FUT9: variants seen among roughly 807,000 people sequenced by gnomAD.
The protein encoded by FUT9 is 4-galactosyl-N-acetylglucosaminide 3-alpha-L-fucosyltransferase 9.
Under a neutral mutation model 29.7 loss-of-function variants are expected in FUT9, and 15 were observed. The ratio of observed to expected loss-of-function variants is 0.51; its 90% CI spans 0.34 to 0.78. FUT9 has a LOEUF of 0.78. Ranked by LOEUF, FUT9 falls within the 30% of genes least tolerant of loss-of-function variation. The pLI, the probability that FUT9 is intolerant of heterozygous loss-of-function variation, is 0.01. For missense variants in FUT9, 319 were observed against 425.4 expected (o/e 0.75, Z 2.20); for synonymous variants, 169 against 153.7 (o/e 1.10, Z -0.74).
chr6:96,120,427 C>G (rs1261753893), intron 2 of FUT9, among the ~76,000 whole-genome samples: 1 of 150,556 alleles, frequency 6.6e-6, no homozygotes, highest in Non-Finnish European at 1.5e-5. Flanking sequence ...TCCGCCACCA[C>G]GCCCAGCTAA....
rs546059770 is a variant in FUT9 at position 96,210,627 on chromosome 6, AG to A, written c.*6394del. ...GAAAAAAATCTCTAATTTGCTTTCT[AG>A]GTTCTAACTGCATGTTTATATTTTG... is the stretch of plus-strand genomic sequence containing the variant. On this transcript the variant is annotated 3_prime_UTR_variant, in exon 3 of 3. Coordinates refer to ENST00000302103, the MANE Select transcript of FUT9 (RefSeq NM_006581.4). 144 of 167,030 alleles carry A rather than the reference AG, an allele frequency of 8.6e-4. No individual in the cohort carries two copies. Among genetic ancestry groups the A allele is most frequent in the Non-Finnish European group, 1.4e-3 (93 of 68,028 alleles). 10.3% of individuals were successfully genotyped at this position (167,030 alleles called of 1,614,324 possible). A position where few individuals can be genotyped will look rare whatever the true frequency, so the allele number is the denominator to read the frequency against.
At chr6:96,157,448 G>A (rs1772806620) in intron 2 of FUT9, among the ~76,000 whole-genome samples, 1 of 152,166 alleles carries the variant, frequency 6.6e-6, no homozygotes. Context: ...CTAATAAAAT[G>A]AGTTGAGGAA....
chr6:96,097,458 G>A (rs1382187476), intron 1 of FUT9, among the ~76,000 whole-genome samples: 1 of 152,134 alleles, frequency 6.6e-6, no homozygotes, highest in Non-Finnish European at 1.5e-5. Flanking sequence ...GAAAAGCACT[G>A]CAAAGAAGAT....
intron 1 of FUT9, among the ~76,000 whole-genome samples, chr6:96,018,705 A>G (rs908696093): frequency 1.3e-5 from 2 of 152,108 alleles, no homozygotes; most frequent in African/African-American, 2.4e-5. Flanking sequence ...TATGGAAATT[A>G]TATAGATTAT....
intron 1 of FUT9, among the ~76,000 whole-genome samples, chr6:96,053,664 G>C (rs2493353): frequency 0.076 from 11,609 of 152,112 alleles, 1,165 homozygotes; most frequent in African/African-American, 0.23. Flanking sequence ...AGCCGAGATC[G>C]CACCACTCCA....
At chr6:96,099,751 G>A (rs1771555888) in intron 1 of FUT9, among the ~76,000 whole-genome samples, 2 of 151,912 alleles carry the variant, frequency 1.3e-5, no homozygotes, top group African/African-American at 4.8e-5. Flanking sequence ...TTTTTCCAAA[G>A]CCAGATTTCT....
At chr6:96,019,587 T>C (rs923331608) in intron 1 of FUT9, among the ~76,000 whole-genome samples, 3 of 152,076 alleles carry the variant, frequency 2.0e-5, no homozygotes, top group African/African-American at 7.2e-5. Flanking sequence ...TATTTCAAAA[T>C]AAGCATGATG....
chr6:96,138,609 TAAC>T (rs1460612605), intron 2 of FUT9, among the ~76,000 whole-genome samples: 1 of 152,120 alleles, frequency 6.6e-6, no homozygotes, highest in Non-Finnish European at 1.5e-5. Context: ...AGGACACAAT[TAAC>T]AGTCTGAAAT....
chr6:96,045,386 T>C lies in FUT9; in HGVS notation c.-98+29174T>C, dbSNP rs549469965. Among the ~76,000 whole-genome samples the C allele has an allele frequency of 1.2e-4, 19 of 152,346 alleles. No individual in the cohort carries two copies. The South Asian group carries it at 2.9e-3, about 23-fold the overall frequency. On this transcript the variant is annotated intron_variant, in intron 1 of 2. Coordinates refer to ENST00000302103, the MANE Select transcript of FUT9 (RefSeq NM_006581.4). ...GACAAAATTTGGCCAGACTGTCATA[T>C]GCTATCCCAGCTAGATTTTGTTTTA...
intron 1 of FUT9, among the ~76,000 whole-genome samples, chr6:96,092,395 T>A (rs4839812): frequency 0.91 from 138,932 of 152,132 alleles, 64,484 homozygotes; most frequent in East Asian, 1. Flanking sequence ...ACAAGTATAT[T>A]AAAAAAGAAT....
rs56405412 is a variant in FUT9 at position 96,199,422 on chromosome 6, G to C, written c.-8-3726G>C. On this transcript the variant is annotated intron_variant, in intron 2 of 2. Transcript: ENST00000302103. ...TGACAGCACTGAAAAATTGAGGGGAGGGGGTGAGCAGAGAGTTAAGAAGGA... is the reference window on the plus strand; with the variant it reads ...TGACAGCACTGAAAAATTGAGGGGACGGGGTGAGCAGAGAGTTAAGAAGGA... Among the ~76,000 whole-genome samples, 214 of 152,196 alleles carry C rather than the reference G, an allele frequency of 1.4e-3. 1 individual carries two copies. Among genetic ancestry groups the C allele is most frequent in the African/African-American group, 4.9e-3 (204 of 41,544 alleles).
intron 2 of FUT9, among the ~76,000 whole-genome samples, chr6:96,132,539 A>G (rs1772266570): frequency 6.6e-6 from 1 of 152,060 alleles, no homozygotes; most frequent in South Asian, 2.1e-4. Context: ...TCTTCACAAA[A>G]AAGCTGAAAA....
At chr6:96,067,901 G>A (rs1020534914) in intron 1 of FUT9, among the ~76,000 whole-genome samples, 1 of 152,032 alleles carries the variant, frequency 6.6e-6, no homozygotes, top group African/African-American at 2.4e-5. Flanking sequence ...TAGGATTGTT[G>A]TGATGATTAA....
chr6:96,184,559 C>G (rs1034434186), intron 2 of FUT9, among the ~76,000 whole-genome samples: 1 of 151,742 alleles, frequency 6.6e-6, no homozygotes, highest in African/African-American at 2.4e-5. Context: ...ACTGTTTGTG[C>G]TCTTTAGATT....
intron 1 of FUT9, among the ~76,000 whole-genome samples, chr6:96,072,736 A>G (rs887884093): frequency 3.3e-5 from 5 of 152,148 alleles, no homozygotes; most frequent in African/African-American, 1.2e-4. Flanking sequence ...AGATTTTTTA[A>G]AGTTTGTCAT....
chr6:96,067,733 T>C (rs1356298212), intron 1 of FUT9, among the ~76,000 whole-genome samples: 1 of 152,128 alleles, frequency 6.6e-6, no homozygotes, highest in Non-Finnish European at 1.5e-5. Flanking sequence ...GTGGTTGTGT[T>C]TCTTTTTTAA....
chr6:96,160,572 T>G (rs1772878611), intron 2 of FUT9, among the ~76,000 whole-genome samples: 1 of 152,170 alleles, frequency 6.6e-6, no homozygotes, highest in Non-Finnish European at 1.5e-5. Flanking sequence ...AATTGTTATA[T>G]ATAATGATAA....
chr6:96,186,383 G>C (rs1007889200), intron 2 of FUT9, among the ~76,000 whole-genome samples: 2 of 152,100 alleles, frequency 1.3e-5, no homozygotes, highest in Non-Finnish European at 2.9e-5. Flanking sequence ...GTCTGATGCA[G>C]AAACTGTTGT....
chr6:96,128,233 T>C (rs1279238953), intron 2 of FUT9, among the ~76,000 whole-genome samples: 2 of 152,114 alleles, frequency 1.3e-5, no homozygotes, highest in Non-Finnish European at 1.5e-5. Context: ...GGAGAAAATG[T>C]TCCCCCCAAA....
Sources: allele counts gnomAD v4.1 joint callset (sites outside exome capture counted in the v4.1 genomes callset), GRCh38; gene constraint gnomAD v4.1.1; transcripts MANE v1.5; gene names NCBI Gene and HGNC (gene_info 2026-07-23, HGNC 2026-07-21).